TLE1: variants seen among roughly 807,000 people sequenced by gnomAD.
TLE1 encodes TLE family member 1, transcriptional corepressor.
Under a neutral mutation model 89.8 loss-of-function variants are expected in TLE1, and 21 were observed. The observed-to-expected ratio is 0.23, with a 90% CI of 0.17 to 0.34. The LOEUF (loss-of-function observed/expected upper bound fraction) is 0.34. Among genes scored for constraint, TLE1 ranks in the 10% least tolerant of loss-of-function variants. The pLI is 1.00. For synonymous variants in TLE1, 447 were observed against 407.6 expected (o/e 1.10, Z -1.16); for missense variants, 795 against 1,031.2 (o/e 0.77, Z 3.14).
At chr9:81,684,582 G>A (rs1834025777) in intron 4 of TLE1, among the ~76,000 whole-genome samples, 1 of 152,158 alleles carries the variant, frequency 6.6e-6, no homozygotes, top group Admixed American at 6.5e-5. Flanking sequence ...AGATCTGAAG[G>A]CTGAACTAAT....
At chr9:81,605,305 G>A (rs1278900709) in intron 14 of TLE1, among the ~76,000 whole-genome samples, 1 of 152,160 alleles carries the variant, frequency 6.6e-6, no homozygotes, top group Non-Finnish European at 1.5e-5. Context: ...TGCAGTCATC[G>A]AGAGTGAGCG....
intron 14 of TLE1, among the ~76,000 whole-genome samples, chr9:81,609,349 T>C (rs750667723): frequency 1.3e-5 from 2 of 152,190 alleles, no homozygotes; most frequent in South Asian, 4.1e-4. Flanking sequence ...CCTCCCAAAG[T>C]GCTAGGATTA....
intron 14 of TLE1, 75 bp from the exon 15 acceptor site, chr9:81,593,349 T>G: frequency 6.8e-7 from 1 of 1,465,346 alleles, no homozygotes; most frequent in Non-Finnish European, 9.1e-7. Context: ...GGCAATGTGC[T>G]ACGACTATGA....
At chr9:81,665,301 G>A (rs1469303848) in intron 4 of TLE1, among the ~76,000 whole-genome samples, 2 of 152,108 alleles carry the variant, frequency 1.3e-5, no homozygotes, top group Non-Finnish European at 2.9e-5. Context: ...AAAACAAAGA[G>A]TACCAGATGA....
At chr9:81,686,652 A>T (rs758652385) in intron 2 of TLE1, among the ~76,000 whole-genome samples, 1 of 152,250 alleles carries the variant, frequency 6.6e-6, no homozygotes, top group Non-Finnish European at 1.5e-5. Context: ...CAAGGGAAAG[A>T]AACTAACCTT....
intron 4 of TLE1, among the ~76,000 whole-genome samples, chr9:81,666,222 T>G (rs1387259187): frequency 1.3e-5 from 2 of 152,034 alleles, no homozygotes; most frequent in Admixed American, 1.3e-4. Context: ...GAGAAAGAAA[T>G]CTTTCTCCAA....
At chr9:81,662,308 AG>A (rs112371922) in intron 4 of TLE1, among the ~76,000 whole-genome samples, 7 of 151,958 alleles carry the variant, frequency 4.6e-5, no homozygotes, top group African/African-American at 1.7e-4. Context: ...AAAATGACCA[AG>A]ACATTCACTA....
intron 5 of TLE1, among the ~76,000 whole-genome samples, chr9:81,652,757 A>G (rs1196515361): frequency 6.6e-6 from 1 of 152,178 alleles, no homozygotes; most frequent in Non-Finnish European, 1.5e-5. Flanking sequence ...CATGGGCAAC[A>G]TGGCAGAACC....
At chr9:81,594,007 T>A (rs1298635624) in intron 14 of TLE1, among the ~76,000 whole-genome samples, 1 of 152,228 alleles carries the variant, frequency 6.6e-6, no homozygotes, top group Admixed American at 6.5e-5. Flanking sequence ...GAAGAAGCTG[T>A]TGGATGGCAT....
intron 11 of TLE1, 102 bp from the exon 12 acceptor site, chr9:81,613,623 TC>T: frequency 7.4e-7 from 1 of 1,342,966 alleles, no homozygotes; most frequent in Non-Finnish European, 1.0e-6. Context: ...TTCTAGCTAC[TC>T]CCTCAGCCAA....
chr9:81,598,015 TA>T (rs1830449517), intron 14 of TLE1, among the ~76,000 whole-genome samples: 1 of 152,036 alleles, frequency 6.6e-6, no homozygotes, highest in African/African-American at 2.4e-5. Context: ...CAGAATCAAG[TA>T]AACAATAATG....
At chr9:81,652,928 T>G (rs556875233) in intron 5 of TLE1, among the ~76,000 whole-genome samples, 1 of 152,248 alleles carries the variant, frequency 6.6e-6, no homozygotes, top group South Asian at 2.1e-4. Flanking sequence ...TTTATAGCCT[T>G]TTGATTCTTT....
chr9:81,665,862 A>AT (rs10696235), intron 4 of TLE1, among the ~76,000 whole-genome samples: 116,085 of 147,236 alleles, frequency 0.79, 45,762 homozygotes, highest in East Asian at 0.88. Context: ...GGCTGCCCTC[A>AT]TTTTTTTTTT....
chr9:81,650,878 C>T lies in TLE1; in HGVS notation c.372+1336G>A, dbSNP rs535836258. 7.9e-5 allele frequency among the ~76,000 whole-genome samples: 12 copies of T among 152,286 alleles called. No individual in the cohort carries two copies. The East Asian group carries it at 2.3e-3, about 29-fold the overall frequency. On this transcript the variant is annotated intron_variant, in intron 6 of 19. Coordinates refer to ENST00000376499, the MANE Select transcript of TLE1 (RefSeq NM_005077.5). ...AGCTATTAAAAGGAAATGAAGGTCA[C>T]CCTCCTAGTTTATTTCACCTAATTG...
intron 6 of TLE1, among the ~76,000 whole-genome samples, chr9:81,642,706 AAAAGAAAGAAAGG>A (rs963519570): frequency 7.3e-6 from 1 of 137,112 alleles, no homozygotes; most frequent in Non-Finnish European, 1.5e-5. Context: ...AAAATGAAAG[AAAAGAAAGAAAGG>A]AAAGAAAGAA....
chr9:81,640,068 G>GC (rs1207085058), intron 6 of TLE1, among the ~76,000 whole-genome samples: 1 of 151,996 alleles, frequency 6.6e-6, no homozygotes, highest in Admixed American at 6.6e-5. Flanking sequence ...TGCTACTGGT[G>GC]CATCTAATGG....
chr9:81,607,573 A>G (rs1278689824), intron 14 of TLE1, among the ~76,000 whole-genome samples: 1 of 152,088 alleles, frequency 6.6e-6, no homozygotes, highest in African/African-American at 2.4e-5. Flanking sequence ...CTGTTATTCC[A>G]CCAAAGGTTC....
chr9:81,653,178 T>C (rs1027083439), intron 5 of TLE1, among the ~76,000 whole-genome samples: 2 of 152,192 alleles, frequency 1.3e-5, no homozygotes, highest in South Asian at 2.1e-4. Context: ...AAGAGGCTGT[T>C]ACAACAATAA....
chr9:81,654,995 C>T (rs552266297), intron 4 of TLE1, among the ~76,000 whole-genome samples: 1 of 152,282 alleles, frequency 6.6e-6, no homozygotes, highest in African/African-American at 2.4e-5. Context: ...AACTCAAAGA[C>T]CTCACCGACA....
Sources: gnomAD v4.1 joint callset for allele counts (sites outside exome capture counted in the v4.1 genomes callset) on GRCh38, gnomAD v4.1.1 for gene constraint, MANE v1.5 for transcripts, NCBI Gene and HGNC (gene_info 2026-07-23, HGNC 2026-07-21) for gene names.